The following NPY1R variants were observed in gnomAD, a reference collection of about 807,000 sequenced individuals.
The protein encoded by NPY1R is neuropeptide Y receptor type 1.
NPY1R carries 10 observed loss-of-function variants against 24.1 expected under a neutral mutation model. The observed-to-expected ratio is 0.42, with a 90% CI of 0.26 to 0.71. The LOEUF is 0.71. NPY1R is among the 30% of genes least tolerant of loss of function. The pLI is 0.28. For synonymous variants in NPY1R, 168 were observed against 165.9 expected, an observed-to-expected ratio of 1.01 and a Z score of -0.10; for missense variants, 350 against 458.0, an observed-to-expected ratio of 0.76 and a Z score of 2.15.
chr4:163,328,085 G>A (rs1384662920), intron 1 of NPY1R, among the ~76,000 whole-genome samples: 1 of 47,586 alleles, frequency 2.1e-5, no homozygotes, highest in East Asian at 1.7e-3. Flanking sequence ...TCTAGAACAT[G>A]AGTTTTTTTT....
chr4:163,325,759 C>G lies in NPY1R; in HGVS notation c.700-1G>C. The G allele has an allele frequency of 6.3e-7, 1 of 1,577,802 alleles. No homozygotes were observed. The highest frequency in any genetic ancestry group is 8.6e-7 in the Non-Finnish European group (1 of 1,159,910). On this transcript the variant is annotated splice_acceptor_variant, in intron 2 of 2. Coordinates refer to ENST00000296533, the MANE Select transcript of NPY1R (RefSeq NM_000909.6). LOFTEE classifies it high-confidence loss of function. ...TTCTCCTTTTTAGGCGTATATATAT[C>G]TATGGAAGAAAAAAGTTTAAATAGA...
chr4:163,339,870 G>T (rs2110817719), intron 1 of NPY1R, among the ~76,000 whole-genome samples: 1 of 152,170 alleles, frequency 6.6e-6, no homozygotes, highest in East Asian at 1.9e-4. Flanking sequence ...TCTACTTGAG[G>T]AACGGTCTCA....
intron 1 of NPY1R, among the ~76,000 whole-genome samples, chr4:163,340,078 C>T (rs1187632513): frequency 6.6e-6 from 1 of 151,932 alleles, no homozygotes; most frequent in Non-Finnish European, 1.5e-5. Flanking sequence ...AAACCGTTTC[C>T]CTTTCATTTC....
At position 163,324,417 on chromosome 4, in the gene NPY1R, G is replaced by T. The variant is rs1734557330; in HGVS notation, c.*886C>A. 6.6e-6 allele frequency: 1 copy of T among 152,184 alleles called. No individual in the cohort carries two copies. Among genetic ancestry groups the T allele is most frequent in the Non-Finnish European group, 1.5e-5 (1 of 68,002 alleles). The allele number at this position is 152,184 out of a possible 1,614,324, so 9.4% of individuals were successfully genotyped here. A position where few individuals can be genotyped will look rare whatever the true frequency, so the allele number is the denominator to read the frequency against. ...AATTGTAAGCGGAAATGCCTTTTGA[G>T]TACATATTTATGCCAGAAAGCTTGA... is the stretch of plus-strand genomic sequence containing the variant. On this transcript the variant is annotated 3_prime_UTR_variant, in exon 3 of 3. Transcript: ENST00000296533.
upstream of NPY1R, among the ~76,000 whole-genome samples, chr4:163,337,597 T>A (rs1033606016): frequency 1.3e-5 from 2 of 152,152 alleles, no homozygotes; most frequent in African/African-American, 4.8e-5. Context: ...AGACAAGCCA[T>A]CTCACTCTGC....
chr4:163,343,722 C>G (rs1377688737), intron 1 of NPY1R, among the ~76,000 whole-genome samples: 4 of 152,144 alleles, frequency 2.6e-5, no homozygotes, highest in African/African-American at 7.2e-5. Context: ...GGCCCTGTGG[C>G]TTCTCCCTAG....
intron 1 of NPY1R, among the ~76,000 whole-genome samples, chr4:163,341,399 A>G (rs7684569): frequency 0.85 from 129,658 of 152,098 alleles, 55,945 homozygotes; most frequent in East Asian, 0.99. Flanking sequence ...TTCTATAACT[A>G]ATATATCAAA....
intron 1 of NPY1R, among the ~76,000 whole-genome samples, chr4:163,329,198 T>C (rs1044019423): frequency 6.6e-6 from 1 of 152,218 alleles, no homozygotes; most frequent in African/African-American, 2.4e-5. Flanking sequence ...GGAGATAATG[T>C]GACCTTCTCA....
intron 1 of NPY1R, among the ~76,000 whole-genome samples, chr4:163,341,977 A>G (rs930322567): frequency 3.9e-5 from 6 of 152,096 alleles, no homozygotes; most frequent in Non-Finnish European, 4.4e-5. Flanking sequence ...AAAACTCTTA[A>G]TAACTTGTCC....
At position 163,325,546 on chromosome 4, in the gene NPY1R, G is replaced by C. The variant is rs142032480; in HGVS notation, c.912C>G (p.Leu304=). 2.5e-6 allele frequency: 4 copies of C among 1,613,870 alleles called. No homozygotes were observed. The highest frequency in any genetic ancestry group is 3.4e-6 in the Non-Finnish European group (4 of 1,179,888). Reference sequence around the variant, plus strand: ...TGGATATCATTGCTGTGAGGTGGCAGAGCAGGAATAACAGATTGTGGTTGC... The same window carrying C: ...TGGATATCATTGCTGTGAGGTGGCACAGCAGGAATAACAGATTGTGGTTGC... ...ATCNHNLLFL[L]CHLTAMISTC... is the part of the protein sequence containing the mutation. Residue 304 remains leucine, a synonymous_variant, in exon 3 of 3, where the codon CTC becomes CTG. Coordinates refer to ENST00000296533, the MANE Select transcript of NPY1R (RefSeq NM_000909.6).
At chr4:163,335,208 G>A (rs2110809702), upstream of NPY1R, among the ~76,000 whole-genome samples, 1 of 152,104 alleles carries the variant, frequency 6.6e-6, no homozygotes, top group African/African-American at 2.4e-5. Context: ...CTTTATTTCT[G>A]TGTATTTCTT....
chr4:163,341,589 C>T (rs1418294399), intron 1 of NPY1R, among the ~76,000 whole-genome samples: 1 of 152,134 alleles, frequency 6.6e-6, no homozygotes, highest in Non-Finnish European at 1.5e-5. Flanking sequence ...TTAGGAGTCC[C>T]AAGTCACCTT....
intron 1 of NPY1R, among the ~76,000 whole-genome samples, chr4:163,329,904 T>A (rs1266816320): frequency 1.3e-5 from 2 of 152,084 alleles, no homozygotes; most frequent in Non-Finnish European, 2.9e-5. Flanking sequence ...AGAGCCTTTT[T>A]TTTTTATGGT....
At chr4:163,338,750 C>T (rs1408182444) in intron 1 of NPY1R, among the ~76,000 whole-genome samples, 6 of 152,190 alleles carry the variant, frequency 3.9e-5, no homozygotes, top group African/African-American at 1.4e-4. Flanking sequence ...CTATCAACTA[C>T]ATGCTTGCAT....
At chr4:163,329,698 T>C (rs1357823264) in intron 1 of NPY1R, among the ~76,000 whole-genome samples, 2 of 151,988 alleles carry the variant, frequency 1.3e-5, no homozygotes, top group African/African-American at 2.4e-5. Flanking sequence ...AGAAGGCATG[T>C]AAGTTAAGAC....
rs1401652819 is a variant in NPY1R, at chr4:163,326,447, G to A, written c.108C>T (p.Pro36=). 16 of 1,613,728 alleles carry A rather than the reference G, an allele frequency of 9.9e-6. No individual in the cohort carries two copies. Among genetic ancestry groups the A allele is most frequent in the Admixed American group, 1.7e-5 (1 of 59,998 alleles). The change falls in exon 2 of 3, where the codon CCC becomes CCT. Residue 36 remains proline, a synonymous_variant. Transcript: ENST00000296533. Reference sequence around the variant, plus strand: ...GAGCTAAGGTAAATATCATGGCCAAGGGCAGATGACAATCATCATTTTCAA... The same window carrying A: ...GAGCTAAGGTAAATATCATGGCCAAAGGCAGATGACAATCATCATTTTCAA... ...LAFENDDCHL[P]LAMIFTLALA...
upstream of NPY1R, among the ~76,000 whole-genome samples, chr4:163,337,621 T>G (rs1169371270): frequency 6.6e-6 from 1 of 152,218 alleles, no homozygotes; most frequent in Non-Finnish European, 1.5e-5. Context: ...TCTGAGGTGC[T>G]GTCCCACCAC....
chr4:163,325,820 G>C (rs202235567), intron 2 of NPY1R, 36 bp downstream of exon 2: 10 of 1,585,978 alleles, frequency 6.3e-6, no homozygotes, highest in Non-Finnish European at 8.6e-6. Flanking sequence ...TGTAAAGAAG[G>C]TAAAAATGGA....
At chr4:163,343,999 A>G (rs1735092014) in intron 1 of NPY1R, 1 of 151,672 alleles carries the variant, frequency 6.6e-6, no homozygotes, top group Middle Eastern at 3.4e-3. Flanking sequence ...GGGCGCCCCG[A>G]GGTACGGGCT....
Sources: allele counts gnomAD v4.1 joint callset (sites outside exome capture counted in the v4.1 genomes callset), GRCh38; gene constraint gnomAD v4.1.1; transcripts MANE v1.5; gene names NCBI Gene and HGNC (gene_info 2026-07-23, HGNC 2026-07-21).